The following LRP1B variants were observed in gnomAD, a reference collection of about 807,000 sequenced individuals.
The protein encoded by LRP1B is low-density lipoprotein receptor-related protein 1B.
Under a neutral mutation model 556.6 loss-of-function variants are expected in LRP1B, and 217 were observed. The ratio of observed to expected loss-of-function variants is 0.39; its 90% CI spans 0.35 to 0.44. The LOEUF (loss-of-function observed/expected upper bound fraction) is 0.44, where lower values mean the gene tolerates loss of function less well. LRP1B is among the 20% of genes least tolerant of loss of function. The probability of loss-of-function intolerance (pLI) is 1.00; values close to 1 mark genes in which losing one functional copy is unlikely to be tolerated. For missense variants in LRP1B, 5,053 were observed against 5,620.8 expected, an observed-to-expected ratio of 0.90 and a Z score of 3.23; for synonymous variants, 2,047 against 1,865.8, an observed-to-expected ratio of 1.10 and a Z score of -2.50.
At chr2:140,334,019 A>C (rs1476989524) in intron 79 of LRP1B, among the ~76,000 whole-genome samples, 1 of 150,524 alleles carries the variant, frequency 6.6e-6, no homozygotes, top group Non-Finnish European at 1.5e-5. Flanking sequence ...ACAAAACAAA[A>C]CAAAAAAAAA....
At chr2:141,428,701 G>A (rs906810473) in intron 3 of LRP1B, among the ~76,000 whole-genome samples, 6 of 152,150 alleles carry the variant, frequency 3.9e-5, no homozygotes, top group Admixed American at 1.3e-4. Flanking sequence ...CCATTGATGT[G>A]ACACTCTGCC....
intron 20 of LRP1B, among the ~76,000 whole-genome samples, chr2:140,924,260 G>C (rs1301004967): frequency 6.6e-6 from 1 of 151,916 alleles, no homozygotes; most frequent in Non-Finnish European, 1.5e-5. Flanking sequence ...TATCACCAAA[G>C]CAGTCACTTA....
chr2:141,604,574 C>T (rs867301117), intron 2 of LRP1B, among the ~76,000 whole-genome samples: 1 of 152,126 alleles, frequency 6.6e-6, no homozygotes. Flanking sequence ...TCTGATTGAT[C>T]CTCAACCTTC....
At chr2:142,002,225 C>T (rs1702676043) in intron 1 of LRP1B, among the ~76,000 whole-genome samples, 1 of 152,110 alleles carries the variant, frequency 6.6e-6, no homozygotes, top group African/African-American at 2.4e-5. Flanking sequence ...ATCTATTAAA[C>T]TATCAATCTT....
At position 141,115,458 on chromosome 2, in the gene LRP1B, G is replaced by GTTTTTTTTTTTTTTTT. The variant is rs70991138; in HGVS notation, c.1014-53201_1014-53186dup. Reference sequence around the variant, plus strand: ...GCAAAATGAATAGGTTTTTGTTTTTGTTTTTTTTTTTTTTTTGAGATGGAT... The same window carrying GTTTTTTTTTTTTTTTT: ...GCAAAATGAATAGGTTTTTGTTTTTGTTTTTTTTTTTTTTTTTTTTTTTTTTTTTTTTGAGATGGAT... On this transcript the variant is annotated intron_variant, in intron 7 of 90. Coordinates refer to ENST00000389484, the MANE Select transcript of LRP1B (RefSeq NM_018557.3). 1.3e-4 allele frequency among the ~76,000 whole-genome samples: 16 copies of GTTTTTTTTTTTTTTTT among 120,406 alleles called. 1 individual carries two copies. Among genetic ancestry groups the GTTTTTTTTTTTTTTTT allele is most frequent in the African/African-American group, 1.6e-4 (5 of 32,100 alleles). 79.0% of individuals were successfully genotyped at this position (120,406 alleles called of 152,430 possible).
intron 3 of LRP1B, among the ~76,000 whole-genome samples, chr2:141,477,317 G>T: frequency 7.2e-6 from 1 of 139,796 alleles, no homozygotes. Context: ...AAAAAAGAAA[G>T]AATTTCCAAA....
At chr2:141,457,902 A>G (rs1304963683) in intron 3 of LRP1B, among the ~76,000 whole-genome samples, 2 of 152,194 alleles carry the variant, frequency 1.3e-5, no homozygotes, top group African/African-American at 4.8e-5. Flanking sequence ...CAGAATTTGC[A>G]GGTGGCAATA....
At chr2:142,110,295 A>G (rs1706926464) in intron 1 of LRP1B, among the ~76,000 whole-genome samples, 1 of 152,136 alleles carries the variant, frequency 6.6e-6, no homozygotes, top group Non-Finnish European at 1.5e-5. Flanking sequence ...GCATGGTGAA[A>G]AGATATAATG....
intron 2 of LRP1B, among the ~76,000 whole-genome samples, chr2:141,784,088 G>A (rs1176524931): frequency 6.6e-6 from 1 of 151,896 alleles, no homozygotes; most frequent in Non-Finnish European, 1.5e-5. Context: ...TACTTTAAAA[G>A]TGATTATGTG....
intron 1 of LRP1B, among the ~76,000 whole-genome samples, chr2:142,062,246 A>G (rs752451767): frequency 2.0e-5 from 3 of 151,830 alleles, no homozygotes; most frequent in Non-Finnish European, 2.9e-5. Flanking sequence ...TATTAAAAAG[A>G]TGATTTAGAA....
At chr2:141,301,158 C>T (rs574161154) in intron 3 of LRP1B, among the ~76,000 whole-genome samples, 8 of 151,980 alleles carry the variant, frequency 5.3e-5, no homozygotes, top group Non-Finnish European at 8.8e-5. Context: ...CATACTTTAC[C>T]TATTAGTCCA....
At chr2:141,274,533 C>T (rs1184267326) in intron 3 of LRP1B, among the ~76,000 whole-genome samples, 1 of 152,032 alleles carries the variant, frequency 6.6e-6, no homozygotes, top group East Asian at 1.9e-4. Context: ...AATGGTTGTT[C>T]CTAGTACTGG....
At chr2:140,258,213 CA>C (rs574733703) in intron 86 of LRP1B, among the ~76,000 whole-genome samples, 16 of 151,780 alleles carry the variant, frequency 1.1e-4, no homozygotes, top group African/African-American at 2.7e-4. Flanking sequence ...GGAACAATCA[CA>C]AAACTGAAGA....
chr2:141,356,681 G>A (rs1559026370), intron 3 of LRP1B, among the ~76,000 whole-genome samples: 1 of 152,074 alleles, frequency 6.6e-6, no homozygotes, highest in Non-Finnish European at 1.5e-5. Context: ...AAGTTGACAT[G>A]ACATTTTTGG....
At chr2:141,947,766 C>T (rs1418339239) in intron 1 of LRP1B, among the ~76,000 whole-genome samples, 3 of 151,130 alleles carry the variant, frequency 2.0e-5, no homozygotes, top group Admixed American at 1.3e-4. Flanking sequence ...AAATACTTAT[C>T]TCTAAAATTC....
intron 84 of LRP1B, among the ~76,000 whole-genome samples, chr2:140,290,590 CT>C (rs1683332590): frequency 6.6e-6 from 1 of 152,080 alleles, no homozygotes; most frequent in South Asian, 2.1e-4. Flanking sequence ...GCTTTAGGCT[CT>C]GTTCGAATAA....
At chr2:140,240,832 G>A (rs1680917347) in intron 87 of LRP1B, among the ~76,000 whole-genome samples, 2 of 150,842 alleles carry the variant, frequency 1.3e-5, no homozygotes. Context: ...AAAGTATCAA[G>A]GTAGAAATTA....
intron 1 of LRP1B, among the ~76,000 whole-genome samples, chr2:142,035,650 T>C (rs1703851332): frequency 6.6e-6 from 1 of 151,564 alleles, no homozygotes; most frequent in Admixed American, 6.6e-5. Flanking sequence ...GAAGGTCTAG[T>C]TTAACAACAA....
chr2:140,509,776 C>G, intron 52 of LRP1B, 152 bp downstream of exon 52: 1 of 993,976 alleles, frequency 1.0e-6, no homozygotes, highest in Middle Eastern at 3.4e-4. Context: ...TACTGTGATA[C>G]CGTCATCCCA....
Sources: allele counts gnomAD v4.1 joint callset (sites outside exome capture counted in the v4.1 genomes callset), GRCh38; gene constraint gnomAD v4.1.1; transcripts MANE v1.5; gene names NCBI Gene and HGNC (gene_info 2026-07-23, HGNC 2026-07-21).